ST7: variants seen among roughly 807,000 people sequenced by gnomAD.
ST7 encodes suppression of tumorigenicity 7, also known as suppressor of tumorigenicity 7 protein.
A neutral mutation model predicts 78.7 loss-of-function variants in ST7; 28 were observed. The observed-to-expected ratio is 0.36, with a 90% CI of 0.26 to 0.49. The LOEUF (loss-of-function observed/expected upper bound fraction) is 0.49, where lower values mean the gene tolerates loss of function less well. ST7 is among the 20% of genes least tolerant of loss of function. The pLI is 0.99. For missense variants in ST7, 418 were observed against 696.0 expected (o/e 0.60, Z 4.49); for synonymous variants, 247 against 249.6 (o/e 0.99, Z 0.10).
intron 1 of ST7, among the ~76,000 whole-genome samples, chr7:117,009,451 C>T (rs1795298413): frequency 6.6e-6 from 1 of 151,926 alleles, no homozygotes; most frequent in African/African-American, 2.4e-5. Flanking sequence ...TTGGGTACCT[C>T]CCTGTTTGTT....
intron 1 of ST7, among the ~76,000 whole-genome samples, chr7:116,999,779 T>C (rs978776839): frequency 1.3e-5 from 2 of 151,554 alleles, no homozygotes; most frequent in African/African-American, 4.8e-5. Context: ...TTTCTGTTTT[T>C]AATTTTGCTT....
chr7:117,180,689 G>A (rs908604003), intron 10 of ST7, among the ~76,000 whole-genome samples: 13 of 152,246 alleles, frequency 8.5e-5, no homozygotes, highest in Non-Finnish European at 1.5e-4. Flanking sequence ...TAGCTCTGTC[G>A]CCTAGACTGG....
chr7:117,184,610 G>T (rs1449045852), intron 10 of ST7, among the ~76,000 whole-genome samples: 17 of 152,142 alleles, frequency 1.1e-4, no homozygotes, highest in Admixed American at 1.1e-3. Flanking sequence ...ATCACCAGGG[G>T]ACATGTTTGA....
At chr7:116,994,067 A>C (rs932818703) in intron 1 of ST7, among the ~76,000 whole-genome samples, 1 of 152,206 alleles carries the variant, frequency 6.6e-6, no homozygotes, top group Non-Finnish European at 1.5e-5. Flanking sequence ...CATTAAGTAC[A>C]TTCACATTGT....
intron 12 of ST7, among the ~76,000 whole-genome samples, chr7:117,194,149 G>A (rs1810053061): frequency 1.3e-5 from 2 of 152,176 alleles, no homozygotes; most frequent in African/African-American, 4.8e-5. Flanking sequence ...GTATTAGATT[G>A]CAGCAAACTA....
chr7:117,229,201 C>T (rs1793629136), intron 15 of ST7, among the ~76,000 whole-genome samples: 1 of 152,190 alleles, frequency 6.6e-6, no homozygotes, highest in Non-Finnish European at 1.5e-5. Flanking sequence ...TGGAATAGCC[C>T]GTTTGCCGCC....
At chr7:116,960,595 A>G (rs1037650273) in intron 1 of ST7, among the ~76,000 whole-genome samples, 3 of 152,206 alleles carry the variant, frequency 2.0e-5, no homozygotes, top group Non-Finnish European at 2.9e-5. Context: ...TCTTTCTTGT[A>G]CTACTGTGTC....
chr7:117,090,126 A>G (rs906364309), intron 1 of ST7, among the ~76,000 whole-genome samples: 1 of 152,168 alleles, frequency 6.6e-6, no homozygotes, highest in Non-Finnish European at 1.5e-5. Context: ...TAGTCTTGCT[A>G]TATGAGGATA....
chr7:117,082,943 C>T (rs146203008), intron 1 of ST7, among the ~76,000 whole-genome samples: 17 of 152,280 alleles, frequency 1.1e-4, no homozygotes, highest in South Asian at 2.1e-4. Context: ...GTTAAATAGT[C>T]GCTCTGTTTG....
At chr7:117,174,830 T>C (rs1193410028) in intron 10 of ST7, among the ~76,000 whole-genome samples, 1 of 152,200 alleles carries the variant, frequency 6.6e-6, no homozygotes, top group Non-Finnish European at 1.5e-5. Context: ...TGAGATTAAA[T>C]AACTTACAAG....
At chr7:117,135,384 C>T (rs1010346995) in intron 7 of ST7, among the ~76,000 whole-genome samples, 1 of 152,070 alleles carries the variant, frequency 6.6e-6, no homozygotes, top group Non-Finnish European at 1.5e-5. Context: ...TGAGATTTAA[C>T]TTGTTAGCTA....
intron 1 of ST7, among the ~76,000 whole-genome samples, chr7:117,076,904 A>G (rs1321347188): frequency 6.6e-6 from 1 of 152,214 alleles, no homozygotes; most frequent in African/African-American, 2.4e-5. Flanking sequence ...AGCCTTTTGT[A>G]TCTGCATTCA....
At chr7:117,000,836 C>T (rs77288551) in intron 1 of ST7, among the ~76,000 whole-genome samples, 2,542 of 152,268 alleles carry the variant, frequency 0.017, 80 homozygotes, top group African/African-American at 0.059. Context: ...CAATAACACC[C>T]TCATTGAGAA....
intron 1 of ST7, among the ~76,000 whole-genome samples, chr7:117,040,675 C>G (rs1276827014): frequency 1.3e-5 from 2 of 152,312 alleles, no homozygotes; most frequent in East Asian, 3.9e-4. Context: ...GCCACTGGGT[C>G]TAGTTGTACT....
At chr7:117,150,977 T>C (rs1806193970) in intron 9 of ST7, among the ~76,000 whole-genome samples, 1 of 152,232 alleles carries the variant, frequency 6.6e-6, no homozygotes, top group Non-Finnish European at 1.5e-5. Flanking sequence ...TCAATTAATA[T>C]GTGCAAGTCC....
At chr7:117,012,912 T>C (rs1366602900) in intron 1 of ST7, among the ~76,000 whole-genome samples, 1 of 152,228 alleles carries the variant, frequency 6.6e-6, no homozygotes, top group Non-Finnish European at 1.5e-5. Flanking sequence ...GTAGGTTTTA[T>C]ATCTATCTAC....
At chr7:117,017,951 GTT>G (rs996310086) in intron 1 of ST7, among the ~76,000 whole-genome samples, 1 of 152,110 alleles carries the variant, frequency 6.6e-6, no homozygotes, top group African/African-American at 2.4e-5. Flanking sequence ...TACTGATCCT[GTT>G]ACAGTTGTCT....
At chr7:117,157,135 A>G (rs553229485) in intron 9 of ST7, among the ~76,000 whole-genome samples, 35 of 152,298 alleles carry the variant, frequency 2.3e-4, no homozygotes, top group African/African-American at 7.9e-4. Context: ...ATACATGGTA[A>G]GAGAATGCTG....
At chr7:117,115,441 G>A (rs761861432) in intron 2 of ST7, among the ~76,000 whole-genome samples, 16 of 147,464 alleles carry the variant, frequency 1.1e-4, no homozygotes, top group Admixed American at 2.1e-4. Context: ...TGCAACTTCC[G>A]TCTCCCAGGT....
Sources: allele counts gnomAD v4.1 joint callset (sites outside exome capture counted in the v4.1 genomes callset), GRCh38; gene constraint gnomAD v4.1.1; transcripts MANE v1.5; gene names NCBI Gene and HGNC (gene_info 2026-07-23, HGNC 2026-07-21).